Variants in CRISPLD1 observed in about 807,000 individuals in gnomAD.
The protein encoded by CRISPLD1 is cysteine rich secretory protein LCCL domain containing 1, also known as cysteine-rich secretory protein LCCL domain-containing 1.
A neutral mutation model predicts 77.5 loss-of-function variants in CRISPLD1; 60 were observed. The observed-to-expected ratio is 0.77, with a 90% CI of 0.63 to 0.96. CRISPLD1 has a LOEUF of 0.96. Among genes scored for constraint, CRISPLD1 ranks in the 40% least tolerant of loss-of-function variants. The probability of loss-of-function intolerance (pLI) is 0.00; values close to 1 mark genes in which losing one functional copy is unlikely to be tolerated. For missense variants in CRISPLD1, 623 were observed against 615.8 expected (o/e 1.01, Z -0.12); for synonymous variants, 195 against 200.1 (o/e 0.97, Z 0.22).
At chr8:75,007,584 T>G (rs575958806) in intron 2 of CRISPLD1, among the ~76,000 whole-genome samples, 7 of 152,110 alleles carry the variant, frequency 4.6e-5, no homozygotes, top group African/African-American at 1.4e-4. Flanking sequence ...TTGTTTGTTT[T>G]TTTGAGACTG....
Position 74,991,140 on chromosome 8 carries a change from G to A in CRISPLD1, c.258+4895G>A, listed in dbSNP as rs369595630. Among the ~76,000 whole-genome samples, 241 of 151,906 alleles carry A rather than the reference G, an allele frequency of 1.6e-3. 5 individuals carry two copies. The South Asian group carries it at 0.048, about 30-fold the overall frequency. ...CCCAAGTACCTAAGATTACAGGTGC[G>A]CACCACCACTGCCAGCTAATTTTTA... On this transcript the variant is annotated intron_variant, in intron 2 of 14. Transcript: ENST00000262207.
At chr8:75,012,100 T>C (rs933850995) in intron 2 of CRISPLD1, among the ~76,000 whole-genome samples, 7 of 152,072 alleles carry the variant, frequency 4.6e-5, no homozygotes, top group African/African-American at 1.4e-4. Flanking sequence ...TGCTTAATGA[T>C]AGGGAAGAGT....
At chr8:75,013,253 A>C (rs1812966700) in intron 4 of CRISPLD1, among the ~76,000 whole-genome samples, 1 of 152,118 alleles carries the variant, frequency 6.6e-6, no homozygotes, top group Non-Finnish European at 1.5e-5. Context: ...GATTTTGCAT[A>C]TCAAACATTT....
At chr8:75,017,761 A>G (rs893704436) in intron 10 of CRISPLD1, among the ~76,000 whole-genome samples, 5 of 152,174 alleles carry the variant, frequency 3.3e-5, no homozygotes, top group Admixed American at 1.3e-4. Context: ...TACCCTGAGA[A>G]GGGTAAGTAA....
At chr8:74,996,034 T>TTATATATA (rs10588040) in intron 2 of CRISPLD1, among the ~76,000 whole-genome samples, 1 of 145,622 alleles carries the variant, frequency 6.9e-6, no homozygotes, top group African/African-American at 2.5e-5. Context: ...GGTCATTGCT[T>TTATATATA]TATATATATA....
chr8:75,024,064 T>C (rs1463148387), intron 12 of CRISPLD1, among the ~76,000 whole-genome samples: 1 of 152,188 alleles, frequency 6.6e-6, no homozygotes, highest in Non-Finnish European at 1.5e-5. Context: ...GTGCATTCCA[T>C]GCAGAGAGGA....
rs750806807 is a variant in CRISPLD1, at chr8:75,013,031, G to T, written c.510+9G>T. ...GTACACATTATACACAGGTATGTTT[G>T]GGGGGTATTATACTTAATTCCCCCA... is the stretch of plus-strand genomic sequence containing the variant. On this transcript the variant is annotated intron_variant, in intron 4 of 14. Coordinates refer to ENST00000262207, the MANE Select transcript of CRISPLD1 (RefSeq NM_031461.6). 3 of 1,560,252 alleles carry T rather than the reference G, an allele frequency of 1.9e-6. No individual in the cohort carries two copies. Among genetic ancestry groups the T allele is most frequent in the African/African-American group, 1.4e-5 (1 of 74,000 alleles).
At chr8:75,005,157 G>A (rs1199803800) in intron 2 of CRISPLD1, among the ~76,000 whole-genome samples, 1 of 152,024 alleles carries the variant, frequency 6.6e-6, no homozygotes, top group African/African-American at 2.4e-5. Context: ...GCTCTTCATT[G>A]TCATTTTAAT....
intron 6 of CRISPLD1, among the ~76,000 whole-genome samples, chr8:75,015,406 G>A (rs1226773404): frequency 6.6e-6 from 1 of 152,094 alleles, no homozygotes. Context: ...AATAAGAAAA[G>A]TATAATAGTA....
In CRISPLD1 at chr8:74,986,034, T is replaced by G. The variant is rs199862804; in HGVS notation, c.47T>G (p.Phe16Cys). ...REWLRVTTVL[F>C]MARAIPAMVV... ...TGGCTCAGAGTAACCACAGTGCTGTTCATGGCTAGAGCAATTCCAGCCATG... is the reference window on the plus strand; with the variant it reads ...TGGCTCAGAGTAACCACAGTGCTGTGCATGGCTAGAGCAATTCCAGCCATG... Residue 16 changes from phenylalanine to cysteine, a missense_variant, in exon 2 of 15, where the codon TTC becomes TGC. Transcript: ENST00000262207. 1.7e-5 allele frequency: 28 copies of G among 1,614,036 alleles called. No individual in the cohort carries two copies. The highest frequency in any genetic ancestry group is 8.3e-5 in the Admixed American group (5 of 60,006).
chr8:75,030,466 A>G (rs571622803), intron 14 of CRISPLD1, among the ~76,000 whole-genome samples: 1 of 152,254 alleles, frequency 6.6e-6, no homozygotes, highest in South Asian at 2.1e-4. Context: ...CAATTTTATA[A>G]GCTAAACTGA....
In CRISPLD1 at chr8:75,033,488, T is replaced by A. The variant is rs1813389717; in HGVS notation, c.*1246T>A. ...TGTATGTGAAAGAGAAACACATATT[T>A]AGAAACACAGCAAGGGAGATTTTGA... On this transcript the variant is annotated 3_prime_UTR_variant, in exon 15 of 15. Coordinates refer to ENST00000262207, the MANE Select transcript of CRISPLD1 (RefSeq NM_031461.6). 1 of 151,912 alleles carries A rather than the reference T, an allele frequency of 6.6e-6. No homozygotes were observed. The highest frequency in any genetic ancestry group is 1.5e-5 in the Non-Finnish European group (1 of 67,884). 9.4% of individuals were successfully genotyped at this position (151,912 alleles called of 1,614,324 possible).
chr8:74,995,385 A>G (rs1276061420), intron 2 of CRISPLD1, among the ~76,000 whole-genome samples: 1 of 152,252 alleles, frequency 6.6e-6, no homozygotes, highest in Non-Finnish European at 1.5e-5. Context: ...GGGTGAAGTC[A>G]TAGTGGTCCC....
intron 2 of CRISPLD1, among the ~76,000 whole-genome samples, chr8:74,993,284 A>G (rs181484663): frequency 8.5e-5 from 13 of 152,288 alleles, no homozygotes; most frequent in African/African-American, 3.1e-4. Context: ...CTCTCTGTAT[A>G]CTGTTGCTTG....
rs1176349212 is a variant in CRISPLD1 at position 74,986,159 on chromosome 8, A to G, written c.172A>G (p.Thr58Ala). The G allele has an allele frequency of 1.9e-6, 3 of 1,614,164 alleles. No homozygotes were observed. Among genetic ancestry groups the G allele is most frequent in the Admixed American group, 1.7e-5 (1 of 60,024 alleles). The change falls in exon 2 of 15, where the codon ACA becomes GCA. Residue 58 changes from threonine to alanine, a missense_variant. Transcript: ENST00000262207. ...CAAACAACGAGGGAAAAGGGCCATC[A>G]CAGACAATGACATGCAGAGTATTTT... is the stretch of plus-strand genomic sequence containing the variant. ...IAKQRGKRAITDNDMQSILDL... is the reference protein window; with the variant it reads ...IAKQRGKRAIADNDMQSILDL...
Position 75,017,098 on chromosome 8 carries a change from T to C in CRISPLD1, c.981T>C (p.Ser327=). The C allele has an allele frequency of 6.2e-7, 1 of 1,611,622 alleles. No individual in the cohort carries two copies. Among genetic ancestry groups the C allele is most frequent in the Non-Finnish European group, 8.5e-7 (1 of 1,178,252 alleles). ...CLDSKAKVIG[S]VHYEMQSSIC... ...ATAGTAAAGCTAAAGTTATTGGCAG[T>C]GTACATTATGAAATGGTAAGTGTTA... The change falls in exon 9 of 15, where the codon AGT becomes AGC. Residue 327 remains serine, a synonymous_variant. Coordinates refer to ENST00000262207, the MANE Select transcript of CRISPLD1 (RefSeq NM_031461.6).
chr8:74,987,109 T>C (rs1812508469), intron 2 of CRISPLD1, among the ~76,000 whole-genome samples: 2 of 152,242 alleles, frequency 1.3e-5, no homozygotes, highest in African/African-American at 4.8e-5. Context: ...TCATACATTC[T>C]AGTTTTTTTC....
Position 75,017,112 on chromosome 8 carries a change from TG to T in CRISPLD1, c.996+1del. 1 of 1,607,970 alleles carries T rather than the reference TG, an allele frequency of 6.2e-7. No homozygotes were observed. Among genetic ancestry groups the T allele is most frequent in the Non-Finnish European group, 8.5e-7 (1 of 1,175,156 alleles). ...AKVIGSVHYEMQSSICRAAIH... is the reference protein window; with the variant it reads ...AKVIGSVHYEXQSSICRAAIH... Reference sequence around the variant, plus strand: ...GTTATTGGCAGTGTACATTATGAAATGGTAAGTGTTATAAATGTAATTATTT... The same window carrying T: ...GTTATTGGCAGTGTACATTATGAAATGTAAGTGTTATAAATGTAATTATTT... On this transcript the variant is annotated frameshift_variant and splice_region_variant, in exon 9 of 15. Coordinates refer to ENST00000262207, the MANE Select transcript of CRISPLD1 (RefSeq NM_031461.6). LOFTEE classifies it high-confidence loss of function.
chr8:75,008,512 A>G (rs1357909695), intron 2 of CRISPLD1, among the ~76,000 whole-genome samples: 2 of 152,198 alleles, frequency 1.3e-5, no homozygotes, highest in Middle Eastern at 3.2e-3. Context: ...ATTTCTTCCA[A>G]TAAGTTTTTA....
Sources: gnomAD v4.1 joint callset for allele counts (sites outside exome capture counted in the v4.1 genomes callset) on GRCh38, gnomAD v4.1.1 for gene constraint, MANE v1.5 for transcripts, NCBI Gene and HGNC (gene_info 2026-07-23, HGNC 2026-07-21) for gene names.